GPR20: variants seen among roughly 807,000 people sequenced by gnomAD.
GPR20 encodes the protein CTD-3064M3.3.
For missense variants in GPR20, 494 were observed against 527.4 expected (o/e 0.94, Z 0.62); for synonymous variants, 241 against 241.9 (o/e 1.00, Z 0.04).
chr8:141,361,138 G>A (rs962426287), intron 1 of GPR20, among the ~76,000 whole-genome samples: 1 of 152,250 alleles, frequency 6.6e-6, no homozygotes, highest in Non-Finnish European at 1.5e-5. Context: ...TGTCCTGATC[G>A]TGCTGACATG....
In GPR20 at chr8:141,357,419, C is replaced by T. The variant is rs755017969; in HGVS notation, c.505G>A (p.Ala169Thr). Residue 169 changes from alanine to threonine, a missense_variant, in exon 2 of 2, where the codon GCC becomes ACC. Physicochemically the swap from Ala to Thr is moderately conservative, Grantham distance 58 (BLOSUM62 0). Transcript: ENST00000377741. Reference protein sequence around the residue: ...RRCRQPACARAVCAFVWLAAG... With the variant: ...RRCRQPACARTVCAFVWLAAG... ...GCCAGCCACACGAAGGCGCACACGG[C>T]CCTGGCACAGGCAGGCTGGCGGCAG... The T allele has an allele frequency of 1.9e-6, 3 of 1,606,072 alleles. No homozygotes were observed. The highest frequency in any genetic ancestry group is 1.7e-6 in the Non-Finnish European group (2 of 1,177,524).
At chr8:141,362,465 C>T (rs1410502562) in intron 1 of GPR20, among the ~76,000 whole-genome samples, 1 of 152,230 alleles carries the variant, frequency 6.6e-6, no homozygotes, top group Non-Finnish European at 1.5e-5. Context: ...CAGAGAGCAG[C>T]ACCCGTCTTC....
intron 1 of GPR20, among the ~76,000 whole-genome samples, chr8:141,364,517 C>T (rs932127646): frequency 5.3e-5 from 8 of 152,170 alleles, no homozygotes; most frequent in African/African-American, 1.4e-4. Context: ...CCAAGTCTTT[C>T]TCCCTGTCCC....
intron 1 of GPR20, 123 bp from the exon 2 acceptor site, chr8:141,358,070 G>A (rs1007746543): frequency 2.2e-5 from 13 of 598,960 alleles, no homozygotes; most frequent in African/African-American, 5.6e-5. Flanking sequence ...CCATGCCCTC[G>A]CCTGGCTGGG....
chr8:141,362,022 G>A (rs567921968), intron 1 of GPR20, among the ~76,000 whole-genome samples: 8 of 152,218 alleles, frequency 5.3e-5, no homozygotes, highest in African/African-American at 1.2e-4. Flanking sequence ...CGGGGCTGCC[G>A]CTGGGTTGGG....
chr8:141,365,367 G>T (rs1831799308), intron 1 of GPR20, among the ~76,000 whole-genome samples: 1 of 152,248 alleles, frequency 6.6e-6, no homozygotes, highest in Admixed American at 6.5e-5. Flanking sequence ...CCCAGCTGGG[G>T]TGCAGGAGGG....
Position 141,358,545 on chromosome 8 carries a change from T to C in GPR20, c.-24-598A>G, listed in dbSNP as rs956177374. On this transcript the variant is annotated intron_variant, in intron 1 of 1. Transcript: ENST00000377741. ...GAGCCTTGTTCATGGTGGGGACCTC[T>C]GACTGCCCTGCCCACTCCCCTGTCC... 2.0e-5 allele frequency among the ~76,000 whole-genome samples: 3 copies of C among 152,346 alleles called. No individual in the cohort carries two copies. The East Asian group carries it at 5.8e-4, about 29-fold the overall frequency.
chr8:141,360,611 T>C (rs1033665371), intron 1 of GPR20, among the ~76,000 whole-genome samples: 44 of 152,332 alleles, frequency 2.9e-4, no homozygotes, highest in African/African-American at 9.4e-4. Context: ...GGAGGAGGAA[T>C]GCAAGCGGGG....
chr8:141,365,573 C>T (rs1335489933), intron 1 of GPR20, among the ~76,000 whole-genome samples: 2 of 152,230 alleles, frequency 1.3e-5, no homozygotes, highest in African/African-American at 2.4e-5. Context: ...CCTGGCCCCA[C>T]CTTTCCGAGC....
intron 1 of GPR20, among the ~76,000 whole-genome samples, chr8:141,364,906 C>T (rs1476896164): frequency 1.3e-5 from 2 of 152,304 alleles, no homozygotes; most frequent in South Asian, 2.1e-4. Context: ...CTGGGATAGC[C>T]GTAGCTGCAG....
At chr8:141,366,960 A>G (rs928397465) in intron 1 of GPR20, among the ~76,000 whole-genome samples, 1 of 152,256 alleles carries the variant, frequency 6.6e-6, no homozygotes, top group Non-Finnish European at 1.5e-5. Context: ...TTATGCAGCC[A>G]GCCCAACTCA....
chr8:141,361,127 G>A (rs571828126), intron 1 of GPR20, among the ~76,000 whole-genome samples: 18 of 152,260 alleles, frequency 1.2e-4, no homozygotes, highest in Non-Finnish European at 2.2e-4. Flanking sequence ...GACTGGCACC[G>A]TGTCCTGATC....
chr8:141,362,770 C>CTCTT (rs545072324), intron 1 of GPR20, among the ~76,000 whole-genome samples: 1 of 149,888 alleles, frequency 6.7e-6, no homozygotes, highest in Non-Finnish European at 1.5e-5. Flanking sequence ...CCCATCACCA[C>CTCTT]TCTTTCTTTC....
intron 1 of GPR20, among the ~76,000 whole-genome samples, chr8:141,358,232 C>G (rs567343408): frequency 6.6e-6 from 1 of 152,256 alleles, no homozygotes; most frequent in Non-Finnish European, 1.5e-5. Context: ...TTTCTGCGAC[C>G]GTCCTGGCAC....
intron 1 of GPR20, among the ~76,000 whole-genome samples, chr8:141,364,785 C>T (rs1415079904): frequency 2.0e-5 from 3 of 151,224 alleles, no homozygotes; most frequent in Non-Finnish European, 4.4e-5. Context: ...GGGTTCATTG[C>T]TCACCTCTAG....
rs941531362 is a variant in GPR20, at chr8:141,356,804, C to T, written c.*43G>A. 1 of 1,410,834 alleles carries T rather than the reference C, an allele frequency of 7.1e-7. No homozygotes were observed. The highest frequency in any genetic ancestry group is 9.7e-7 in the Non-Finnish European group (1 of 1,033,028). The allele number at this position is 1,410,834 out of a possible 1,614,324, so 87.4% of individuals were successfully genotyped here. ...ATGGTGGGTGTCCACGCTGGCATGC[C>T]CAGATGAGTCCTGACCTTCGGCCCC... On this transcript the variant is annotated 3_prime_UTR_variant, in exon 2 of 2. Transcript: ENST00000377741.
intron 1 of GPR20, among the ~76,000 whole-genome samples, chr8:141,366,971 C>T (rs749812881): frequency 3.9e-5 from 6 of 152,264 alleles, no homozygotes; most frequent in Non-Finnish European, 7.3e-5. Flanking sequence ...GCCCAACTCA[C>T]GCCCATGTTC....
At chr8:141,362,822 C>T (rs770288455) in intron 1 of GPR20, among the ~76,000 whole-genome samples, 4 of 151,062 alleles carry the variant, frequency 2.6e-5, no homozygotes, top group South Asian at 2.1e-4. Context: ...GGCGAAATGT[C>T]GGCTCACTGC....
rs755368860 is a variant in GPR20 at position 141,357,856 on chromosome 8, A to G, written c.68T>C (p.Val23Ala). The change falls in exon 2 of 2, where the codon GTG (valine) becomes GCG (alanine). Residue 23 changes from valine to alanine, a missense_variant. By Grantham distance (64) the Val-to-Ala change is moderately conservative (BLOSUM62 0). Coordinates refer to ENST00000377741, the MANE Select transcript of GPR20 (RefSeq NM_005293.3). ...CTCCAGCCCGCTGGCATTGGTCCGC[A>G]CTGTTGTCACTGCGGTGGCATTGGG... ...AVPNATAVTT[V>A]RTNASGLEVP... The G allele has an allele frequency of 1.2e-6, 2 of 1,611,474 alleles. No homozygotes were observed. The highest frequency in any genetic ancestry group is 1.7e-6 in the Non-Finnish European group (2 of 1,178,972).
Sources: allele counts gnomAD v4.1 joint callset (sites outside exome capture counted in the v4.1 genomes callset), GRCh38; gene constraint gnomAD v4.1.1; transcripts MANE v1.5; gene names NCBI Gene and HGNC (gene_info 2026-07-23, HGNC 2026-07-21).